Variants in GAS7 observed in about 807,000 individuals in gnomAD.
GAS7 encodes the protein growth arrest-specific protein 7.
GAS7 carries 28 observed loss-of-function variants against 71.1 expected under a neutral mutation model. That is an observed-to-expected ratio of 0.39 (90% CI 0.29 to 0.54). GAS7 has a LOEUF of 0.54. Ranked by LOEUF, GAS7 falls within the 20% of genes least tolerant of loss-of-function variation. GAS7 has a pLI of 0.62. For synonymous variants in GAS7, 258 were observed against 245.8 expected (o/e 1.05, Z -0.46); for missense variants, 436 against 627.8 (o/e 0.69, Z 3.27).
chr17:10,193,040 G>C (rs1166899991), intron 1 of GAS7, among the ~76,000 whole-genome samples: 1 of 152,142 alleles, frequency 6.6e-6, no homozygotes, highest in East Asian at 1.9e-4. Context: ...AAAAGGCTCT[G>C]TATTAAAATC....
intron 1 of GAS7, among the ~76,000 whole-genome samples, chr17:10,136,605 T>C (rs970212253): frequency 6.6e-6 from 1 of 152,184 alleles, no homozygotes; most frequent in African/African-American, 2.4e-5. Flanking sequence ...TCCACTGTTA[T>C]CATCCCAGAC....
chr17:9,931,771 A>G (rs536169485), intron 9 of GAS7, among the ~76,000 whole-genome samples: 1 of 152,140 alleles, frequency 6.6e-6, no homozygotes, highest in Non-Finnish European at 1.5e-5. Context: ...CTGGGTGTCA[A>G]CTCAATCTTG....
chr17:10,104,864 C>T (rs2073742408), intron 1 of GAS7, among the ~76,000 whole-genome samples: 1 of 152,134 alleles, frequency 6.6e-6, no homozygotes, highest in South Asian at 2.1e-4. Context: ...TCATCCCCTC[C>T]AATTCATTCT....
At chr17:9,921,958 C>CAAAAA (rs35195748) in intron 11 of GAS7, among the ~76,000 whole-genome samples, 2 of 89,238 alleles carry the variant, frequency 2.2e-5, no homozygotes, top group Non-Finnish European at 4.5e-5. Flanking sequence ...GACTCCATCT[C>CAAAAA]AAAAAAAAAA....
rs2069406994 is a variant in GAS7, at chr17:9,959,789, AGGGATTT to A, written c.472-541_472-535del. Reference sequence around the variant, plus strand: ...CGCTCCCCCAACCCCGTGAGCCAGGAGGGATTTCTCAGCCAAACCGACTTCCAGCTTC... The same window carrying A: ...CGCTCCCCCAACCCCGTGAGCCAGGACTCAGCCAAACCGACTTCCAGCTTC... On this transcript the variant is annotated intron_variant, in intron 4 of 13. Transcript: ENST00000432992. The surrounding 1 kb of genome is among the most constrained non-coding windows in gnomAD (Gnocchi z 5.0). Among the ~76,000 whole-genome samples the A allele has an allele frequency of 6.6e-6, 1 of 152,058 alleles. No homozygotes were observed. Among genetic ancestry groups the A allele is most frequent in the Non-Finnish European group, 1.5e-5 (1 of 68,006 alleles).
At chr17:10,153,621 T>C (rs1411091655) in intron 1 of GAS7, among the ~76,000 whole-genome samples, 1 of 152,216 alleles carries the variant, frequency 6.6e-6, no homozygotes, top group African/African-American at 2.4e-5. Context: ...TAATAATGTT[T>C]TTTAAATTAG....
intron 8 of GAS7, among the ~76,000 whole-genome samples, chr17:9,939,362 G>A (rs1015911994): frequency 6.6e-6 from 1 of 152,140 alleles, no homozygotes; most frequent in Non-Finnish European, 1.5e-5. Context: ...AGGAGGTCTG[G>A]ACAGTCACAG....
At chr17:10,186,496 T>G (rs1278990863) in intron 1 of GAS7, among the ~76,000 whole-genome samples, 1 of 149,596 alleles carries the variant, frequency 6.7e-6, no homozygotes. Context: ...CTCCACCTCC[T>G]GGGTTCAACG....
chr17:10,146,086 A>AG (rs2074118936), intron 1 of GAS7, among the ~76,000 whole-genome samples: 1 of 152,168 alleles, frequency 6.6e-6, no homozygotes, highest in South Asian at 2.1e-4. Context: ...ACATGCAAGA[A>AG]GGCAGAGGAA....
intron 9 of GAS7, among the ~76,000 whole-genome samples, chr17:9,933,447 G>GA (rs1413755033): frequency 5.9e-5 from 9 of 152,098 alleles, no homozygotes; most frequent in Non-Finnish European, 1.0e-4. Context: ...CCCAAGAGCT[G>GA]AATGTTAAAT....
intron 1 of GAS7, among the ~76,000 whole-genome samples, chr17:10,170,281 G>A (rs1297777550): frequency 6.6e-6 from 1 of 151,596 alleles, no homozygotes; most frequent in Non-Finnish European, 1.5e-5. Context: ...TCAGATCCTT[G>A]TGAGGGTCTC....
At chr17:9,923,923 T>C (rs7226174) in intron 11 of GAS7, among the ~76,000 whole-genome samples, 22,504 of 152,116 alleles carry the variant, frequency 0.15, 1,806 homozygotes, top group African/African-American at 0.22. Flanking sequence ...ATCATACAAC[T>C]GGACACTGGC....
chr17:10,078,170 C>T (rs927919797), intron 1 of GAS7, among the ~76,000 whole-genome samples: 3 of 152,084 alleles, frequency 2.0e-5, no homozygotes, highest in African/African-American at 4.8e-5. Context: ...CAGCTCACTG[C>T]AGTCTCGATC....
At chr17:10,069,810 T>C (rs754437570) in intron 1 of GAS7, among the ~76,000 whole-genome samples, 3 of 152,210 alleles carry the variant, frequency 2.0e-5, no homozygotes, top group Admixed American at 1.3e-4. Context: ...AGAAAATTGA[T>C]GTGAGTCTGT....
At chr17:9,937,009 G>C (rs1231399506) in intron 8 of GAS7, among the ~76,000 whole-genome samples, 1 of 152,216 alleles carries the variant, frequency 6.6e-6, no homozygotes, top group Non-Finnish European at 1.5e-5. Flanking sequence ...GCTTTGCTTT[G>C]AAAGTCTTCA....
chr17:9,996,555 AAAGTAT>A (rs2071051140), intron 2 of GAS7, among the ~76,000 whole-genome samples: 1 of 142,422 alleles, frequency 7.0e-6, no homozygotes, highest in African/African-American at 2.5e-5. Flanking sequence ...CCTAAAACTT[AAAGTAT>A]AATTTAAAAA....
chr17:9,921,786 C>T (rs1297515017), intron 11 of GAS7, among the ~76,000 whole-genome samples: 1 of 151,836 alleles, frequency 6.6e-6, no homozygotes. Context: ...GGTGAAACCC[C>T]GTCTCTACTA....
Position 10,198,254 on chromosome 17 carries a change from T to A in GAS7, c.137A>T (p.Asp46Val), listed in dbSNP as rs1177086311. ...DGGWWEGEKE[D>V]GLRGWFPASY... ...CGCCGGGAACCAGCCACGGAGCCCGTCCTCCTTCTCGCCTTCCCACCAGCC... is the reference window on the plus strand; with the variant it reads ...CGCCGGGAACCAGCCACGGAGCCCGACCTCCTTCTCGCCTTCCCACCAGCC... Residue 46 changes from aspartate to valine, a missense_variant, in exon 1 of 14, where the codon GAC becomes GTC. Physicochemically the swap from Asp to Val is radical, Grantham distance 152. Coordinates refer to ENST00000432992, the MANE Select transcript of GAS7 (RefSeq NM_201433.2). 1 of 1,607,280 alleles carries A rather than the reference T, an allele frequency of 6.2e-7. No homozygotes were observed. The highest frequency in any genetic ancestry group is 1.1e-5 in the South Asian group (1 of 91,078).
intron 1 of GAS7, among the ~76,000 whole-genome samples, chr17:10,120,171 T>G (rs1305586539): frequency 7.9e-6 from 1 of 126,478 alleles, no homozygotes; most frequent in Non-Finnish European, 1.6e-5. Flanking sequence ...CATATCCAGC[T>G]GGAAGTGCTG....
Sources: allele counts gnomAD v4.1 joint callset (sites outside exome capture counted in the v4.1 genomes callset), GRCh38; gene constraint gnomAD v4.1.1; non-coding constraint Gnocchi (gnomAD v3.1); transcripts MANE v1.5; gene names NCBI Gene and HGNC (gene_info 2026-07-23, HGNC 2026-07-21).